TMEM18: variants seen among roughly 807,000 people sequenced by gnomAD.
The protein encoded by TMEM18 is transmembrane protein 18.
In TMEM18, 14 loss-of-function variants were observed where a neutral mutation model predicts 17.4. That is an observed-to-expected ratio of 0.80 (90% confidence interval 0.53 to 1.25). TMEM18 has a LOEUF of 1.25. TMEM18 is among the 50% of genes most tolerant of loss of function. The probability of loss-of-function intolerance (pLI) is 0.00; values close to 1 mark genes in which losing one functional copy is unlikely to be tolerated. For synonymous variants in TMEM18, 86 were observed against 66.1 expected (o/e 1.30, Z -1.46); for missense variants, 187 against 172.1 (o/e 1.09, Z -0.48).
rs1263005381 is a variant in TMEM18, at chr2:666,117, C to T, written c.*3463G>A. 1.3e-5 allele frequency among the ~76,000 whole-genome samples: 2 copies of T among 152,346 alleles called. No homozygotes were observed. The highest frequency in any genetic ancestry group is 4.1e-4 in the South Asian group (2 of 4,824). On this transcript the variant is annotated 3_prime_UTR_variant, in exon 5 of 5. Coordinates refer to ENST00000281017, the MANE Select transcript of TMEM18 (RefSeq NM_152834.4). ...GCTCACTCAGATGAAGCATCAACCC[C>T]ATGCACAACAGGGCCCATGGAGGCT...
intron 1 of TMEM18, chr2:676,717 C>G: frequency 1.4e-6 from 2 of 1,386,976 alleles, no homozygotes; most frequent in Non-Finnish European, 2.0e-6. Flanking sequence ...CACGCCCCGC[C>G]CACACTGGGC....
intron 2 of TMEM18, among the ~76,000 whole-genome samples, chr2:674,371 T>G (rs1415834680): frequency 1.3e-5 from 2 of 152,240 alleles, no homozygotes; most frequent in Non-Finnish European, 2.9e-5. Flanking sequence ...GGCTCCTGCC[T>G]ATGCACCTTT....
At position 665,029 on chromosome 2, in the gene TMEM18, C is replaced by T. The variant is rs541851486; in HGVS notation, c.*4551G>A. On this transcript the variant is annotated 3_prime_UTR_variant, in exon 5 of 5. Transcript: ENST00000281017. ...GCAAATTGACACTTAACAATTTTCTCCTGTTCCAAAGATATCCAATGTTAT... is the reference window on the plus strand; with the variant it reads ...GCAAATTGACACTTAACAATTTTCTTCTGTTCCAAAGATATCCAATGTTAT... Among the ~76,000 whole-genome samples, 1 of 152,334 alleles carries T rather than the reference C, an allele frequency of 6.6e-6. No individual in the cohort carries two copies. The highest frequency in any genetic ancestry group is 2.4e-5 in the African/African-American group (1 of 41,574).
rs76321621 is a variant in TMEM18 at position 665,768 on chromosome 2, C to T, written c.*3812G>A. Among the ~76,000 whole-genome samples the T allele has an allele frequency of 6.8e-6, 1 of 147,286 alleles. No individual in the cohort carries two copies. The highest frequency in any genetic ancestry group is 2.1e-4 in the East Asian group (1 of 4,828). On this transcript the variant is annotated 3_prime_UTR_variant, in exon 5 of 5. Coordinates refer to ENST00000281017, the MANE Select transcript of TMEM18 (RefSeq NM_152834.4). ...ACTCAGATGGAGCATCAACCCCACA[C>T]ACAACAGGACCCAGAGATGCAGATG... is the stretch of plus-strand genomic sequence containing the variant.
In TMEM18 at chr2:666,320, C is replaced by A. The variant is rs553232828; in HGVS notation, c.*3260G>T. On this transcript the variant is annotated 3_prime_UTR_variant, in exon 5 of 5. Coordinates refer to ENST00000281017, the MANE Select transcript of TMEM18 (RefSeq NM_152834.4). ...GAGCTCCTTCTCTGTCCTCAGGTTC[C>A]TTTCAGGGCCTGTGCCAGTCAGCGC... is the stretch of plus-strand genomic sequence containing the variant. Among the ~76,000 whole-genome samples, 6 of 152,348 alleles carry A rather than the reference C, an allele frequency of 3.9e-5. No homozygotes were observed. Among genetic ancestry groups the A allele is most frequent in the African/African-American group, 1.4e-4 (6 of 41,594 alleles).
At position 669,551 on chromosome 2, in the gene TMEM18, G is replaced by A. The variant is rs1240647693; in HGVS notation, c.*29C>T. The stretch of plus-strand genomic sequence containing the variant: ...GGGAGCTGCACTGGGTGGACGGGAA[G>A]GACGCAAACTCCAAGCAGCTGCTGC... On this transcript the variant is annotated 3_prime_UTR_variant, in exon 5 of 5. Transcript: ENST00000281017. 9 of 1,610,406 alleles carry A rather than the reference G, an allele frequency of 5.6e-6. No homozygotes were observed. In the East Asian group the frequency reaches 1.8e-4, roughly 32 times the overall value.
intron 1 of TMEM18, chr2:676,018 G>A (rs1335716616): frequency 9.2e-6 from 12 of 1,307,956 alleles, no homozygotes; most frequent in Middle Eastern, 4.2e-4. Flanking sequence ...TGACGACAAG[G>A]AAATTAAGAC....
chr2:672,122 CCA>C (rs1678865109), intron 3 of TMEM18, among the ~76,000 whole-genome samples: 1 of 152,198 alleles, frequency 6.6e-6, no homozygotes, highest in African/African-American at 2.4e-5. Context: ...GGCCACAAGG[CCA>C]CAGTCTCAGC....
At chr2:675,924 T>A in intron 1 of TMEM18, 1 of 1,416,974 alleles carries the variant, frequency 7.1e-7, no homozygotes, top group Non-Finnish European at 9.3e-7. Context: ...CTCCTTTCGT[T>A]TGTGGAACAG....
intron 1 of TMEM18, 47 bp downstream of exon 1, chr2:677,242 C>T (rs1659283814): frequency 6.3e-7 from 1 of 1,584,244 alleles, no homozygotes; most frequent in Non-Finnish European, 8.6e-7. Context: ...CCCTACGCCT[C>T]TCCGCCGTCC....
In TMEM18 at chr2:666,119, T is replaced by A. The variant is rs976640408; in HGVS notation, c.*3461A>T. Among the ~76,000 whole-genome samples the A allele has an allele frequency of 1.2e-4, 18 of 152,094 alleles. No individual in the cohort carries two copies. Among genetic ancestry groups the A allele is most frequent in the Admixed American group, 5.9e-4 (9 of 15,250 alleles). ...TCACTCAGATGAAGCATCAACCCCA[T>A]GCACAACAGGGCCCATGGAGGCTGA... On this transcript the variant is annotated 3_prime_UTR_variant, in exon 5 of 5. Coordinates refer to ENST00000281017, the MANE Select transcript of TMEM18 (RefSeq NM_152834.4).
In TMEM18 at chr2:666,362, C is replaced by A. The variant is rs1398872472; in HGVS notation, c.*3218G>T. Among the ~76,000 whole-genome samples the A allele has an allele frequency of 1.3e-5, 2 of 152,140 alleles. No individual in the cohort carries two copies. Among genetic ancestry groups the A allele is most frequent in the Non-Finnish European group, 2.9e-5 (2 of 68,026 alleles). ...AGTCAGCGCCTCCCCTGGCATAGGTCTTGTGCAATTTCTAATGACAGCATG... is the reference window on the plus strand; with the variant it reads ...AGTCAGCGCCTCCCCTGGCATAGGTATTGTGCAATTTCTAATGACAGCATG... On this transcript the variant is annotated 3_prime_UTR_variant, in exon 5 of 5. Transcript: ENST00000281017.
chr2:676,777 C>T, intron 1 of TMEM18: 2 of 847,670 alleles, frequency 2.4e-6, no homozygotes, highest in Non-Finnish European at 3.6e-6. Context: ...ACGCACGCCC[C>T]GCCGCACTGC....
intron 2 of TMEM18, among the ~76,000 whole-genome samples, chr2:673,854 T>C (rs1417408943): frequency 5.7e-5 from 6 of 105,280 alleles, no homozygotes; most frequent in African/African-American, 2.3e-4. Context: ...CAGGAGGTGG[T>C]GGGCATGGGT....
In TMEM18 at chr2:668,173, G is replaced by C. The variant is rs1678743649; in HGVS notation, c.*1407C>G. ...CCCTCTCTATTATGATAACAACATA[G>C]GGGAAACCACCCCCATGATCCCATC... On this transcript the variant is annotated 3_prime_UTR_variant, in exon 5 of 5. Transcript: ENST00000281017. The C allele has an allele frequency of 6.6e-6, 1 of 152,148 alleles. No individual in the cohort carries two copies. Among genetic ancestry groups the C allele is most frequent in the Non-Finnish European group, 1.5e-5 (1 of 68,042 alleles). 9.4% of individuals were successfully genotyped at this position (152,148 alleles called of 1,614,324 possible).
intron 1 of TMEM18, chr2:676,654 G>C (rs1659240147): frequency 6.5e-7 from 1 of 1,548,420 alleles, no homozygotes; most frequent in Non-Finnish European, 8.7e-7. Flanking sequence ...CCCCTTGGCG[G>C]CCACGTGGGG....
intron 3 of TMEM18, chr2:670,515 G>A (rs1218878600): frequency 6.5e-6 from 1 of 152,894 alleles, no homozygotes; most frequent in African/African-American, 2.4e-5. Flanking sequence ...TGGGCAGTGG[G>A]TCAGCGCCTT....
chr2:675,928 G>A, intron 1 of TMEM18: 1 of 1,407,836 alleles, frequency 7.1e-7, no homozygotes, highest in Non-Finnish European at 9.4e-7. Context: ...TTTCGTTTGT[G>A]GAACAGAATC....
intron 3 of TMEM18, 28 bp from the exon 4 acceptor site, chr2:669,878 A>T: frequency 6.4e-7 from 1 of 1,567,090 alleles, no homozygotes. Flanking sequence ...ACAAAAAATT[A>T]CTAGGCAATA....
Sources: gnomAD v4.1 joint callset for allele counts (sites outside exome capture counted in the v4.1 genomes callset) on GRCh38, gnomAD v4.1.1 for gene constraint, MANE v1.5 for transcripts, NCBI Gene and HGNC (gene_info 2026-07-23, HGNC 2026-07-21) for gene names.